The following C8orf88 variants were observed in gnomAD, a reference collection of about 807,000 sequenced individuals.
The protein encoded by C8orf88 is chromosome 8 open reading frame 88, also known as uncharacterized protein C8orf88.
In C8orf88, 14 loss-of-function variants were observed where a neutral mutation model predicts 18.4. That is an observed-to-expected ratio of 0.76 (90% CI 0.50 to 1.19). The LOEUF is 1.19. Among genes scored for constraint, C8orf88 ranks in the 50% most tolerant of loss-of-function variants. C8orf88 has a pLI of 0.00. For synonymous variants in C8orf88, 45 were observed against 42.9 expected, an observed-to-expected ratio of 1.05 and a Z score of -0.19; for missense variants, 116 against 134.7, an observed-to-expected ratio of 0.86 and a Z score of 0.69.
intron 1 of C8orf88, 92 bp downstream of exon 1, chr8:90,985,022 T>G: frequency 6.6e-6 from 1 of 152,022 alleles, no homozygotes; most frequent in Non-Finnish European, 1.5e-5. Context: ...TTTCCCGGGG[T>G]CGGGCCTGGG....
At chr8:90,970,297 T>C (rs1811265108) in intron 4 of C8orf88, among the ~76,000 whole-genome samples, 1 of 151,942 alleles carries the variant, frequency 6.6e-6, no homozygotes, top group African/African-American at 2.4e-5. Context: ...CAATATAAAG[T>C]TTTCAAAAAT....
intron 3 of C8orf88, among the ~76,000 whole-genome samples, chr8:90,976,174 C>T (rs1811347600): frequency 6.6e-6 from 1 of 151,892 alleles, no homozygotes; most frequent in African/African-American, 2.4e-5. Flanking sequence ...GATATAAGGA[C>T]ATTTTGGAGG....
At chr8:90,966,711 T>G (rs1251724858) in intron 4 of C8orf88, among the ~76,000 whole-genome samples, 1 of 151,900 alleles carries the variant, frequency 6.6e-6, no homozygotes, top group African/African-American at 2.4e-5. Context: ...TTATTTTTAT[T>G]AGCTCTAATA....
chr8:90,958,737 A>G lies in C8orf88; in HGVS notation c.*270T>C. 1 of 333,386 alleles carries G rather than the reference A, an allele frequency of 3.0e-6. No homozygotes were observed. Among genetic ancestry groups the G allele is most frequent in the South Asian group, 4.9e-5 (1 of 20,230 alleles). 20.7% of individuals were successfully genotyped at this position (333,386 alleles called of 1,614,324 possible). A position where few individuals can be genotyped will look rare whatever the true frequency, so the allele number is the denominator to read the frequency against. On this transcript the variant is annotated 3_prime_UTR_variant, in exon 6 of 6. Coordinates refer to ENST00000517562, the MANE Select transcript of C8orf88 (RefSeq NM_001190972.2). ...AACAAAAAATTGCAAGTAGTATGCA[A>G]ATTATAAATATACAGTCTTCCCACT...
chr8:90,974,303 A>T (rs1052098827), intron 3 of C8orf88, among the ~76,000 whole-genome samples: 7 of 152,186 alleles, frequency 4.6e-5, no homozygotes, highest in African/African-American at 1.7e-4. Flanking sequence ...TTTGAACATT[A>T]GTCTTGGAAC....
intron 2 of C8orf88, among the ~76,000 whole-genome samples, chr8:90,979,611 C>A (rs1435099784): frequency 1.3e-5 from 2 of 152,178 alleles, no homozygotes; most frequent in Non-Finnish European, 2.9e-5. Context: ...CATTTGTAAA[C>A]TCAACAAAGT....
intron 4 of C8orf88, among the ~76,000 whole-genome samples, chr8:90,970,104 T>C (rs1811262257): frequency 6.6e-6 from 1 of 151,826 alleles, no homozygotes; most frequent in South Asian, 2.1e-4. Flanking sequence ...ATAAACTGTA[T>C]GAAAAGGGAG....
intron 4 of C8orf88, among the ~76,000 whole-genome samples, chr8:90,966,336 C>A (rs1327363880): frequency 8.6e-6 from 1 of 116,136 alleles, no homozygotes; most frequent in Non-Finnish European, 1.6e-5. Context: ...GGGAACATCA[C>A]ACTTTGGGGA....
Position 90,958,797 on chromosome 8 carries a change from C to G in C8orf88, c.*210G>C. 2.4e-6 allele frequency: 1 copy of G among 411,506 alleles called. No individual in the cohort carries two copies. Among genetic ancestry groups the G allele is most frequent in the South Asian group, 4.1e-5 (1 of 24,600 alleles). The allele number at this position is 411,506 out of a possible 1,614,324, so 25.5% of individuals were successfully genotyped here. A position where few individuals can be genotyped will look rare whatever the true frequency, so the allele number is the denominator to read the frequency against. On this transcript the variant is annotated 3_prime_UTR_variant, in exon 6 of 6. Transcript: ENST00000517562. Reference sequence around the variant, plus strand: ...AAATTCCTACTTTCCAGTGTTACTTCCCAATTTATGCAGGAAACCTCCTGC... The same window carrying G: ...AAATTCCTACTTTCCAGTGTTACTTGCCAATTTATGCAGGAAACCTCCTGC...
intron 3 of C8orf88, among the ~76,000 whole-genome samples, chr8:90,973,732 C>A (rs1811312689): frequency 6.6e-6 from 1 of 152,252 alleles, no homozygotes; most frequent in East Asian, 1.9e-4. Context: ...GATCCTCCCA[C>A]CTCAGCCTTC....
intron 1 of C8orf88, among the ~76,000 whole-genome samples, chr8:90,984,525 G>A (rs988592593): frequency 6.6e-6 from 1 of 152,070 alleles, no homozygotes; most frequent in Non-Finnish European, 1.5e-5. Context: ...AGCTTGGAGA[G>A]TTCCAACATA....
At chr8:90,966,481 T>C in intron 4 of C8orf88, among the ~76,000 whole-genome samples, 1 of 142,010 alleles carries the variant, frequency 7.0e-6, no homozygotes, top group Non-Finnish European at 1.5e-5. Flanking sequence ...TGTGCACATG[T>C]ACCCTAAAAC....
intron 5 of C8orf88, among the ~76,000 whole-genome samples, chr8:90,959,661 T>C (rs901812121): frequency 6.6e-6 from 1 of 151,452 alleles, no homozygotes; most frequent in Non-Finnish European, 1.5e-5. Context: ...AACAACATAA[T>C]GTTTTTTAAA....
intron 3 of C8orf88, among the ~76,000 whole-genome samples, chr8:90,975,486 T>G (rs1301285180): frequency 6.6e-6 from 1 of 151,956 alleles, no homozygotes; most frequent in Non-Finnish European, 1.5e-5. Flanking sequence ...CAAAAAAAAT[T>G]TTTTTAAAGA....
At position 90,980,416 on chromosome 8, in the gene C8orf88, A is replaced by G. The variant is rs1266160423; in HGVS notation, c.20T>C (p.Ile7Thr). Reference protein sequence around the residue: METKKLIGKPLQPARPV... With the variant: METKKLTGKPLQPARPV... ...TCTTGCTGGTTGAAGCGGTTTACCA[A>G]TTAATTTTTTGGTTTCCATTGTCAC... The change falls in exon 2 of 6, where the codon ATT becomes ACT. Residue 7 changes from isoleucine to threonine, a missense_variant. Physicochemically the swap from Ile to Thr is moderately conservative, Grantham distance 89. Transcript: ENST00000517562. 2.0e-6 allele frequency: 3 copies of G among 1,532,100 alleles called. No homozygotes were observed. Among genetic ancestry groups the G allele is most frequent in the African/African-American group, 1.4e-5 (1 of 72,794 alleles). The allele number at this position is 1,532,100 out of a possible 1,614,324, so 94.9% of individuals were successfully genotyped here.
chr8:90,961,921 A>C (rs1811134052), intron 4 of C8orf88, among the ~76,000 whole-genome samples: 1 of 151,392 alleles, frequency 6.6e-6, no homozygotes, highest in African/African-American at 2.4e-5. Flanking sequence ...AAATAAGAAG[A>C]CCCTATTATA....
At chr8:90,970,079 G>A (rs1002545601) in intron 4 of C8orf88, among the ~76,000 whole-genome samples, 1 of 151,776 alleles carries the variant, frequency 6.6e-6, no homozygotes, top group African/African-American at 2.4e-5. Flanking sequence ...GCAAACATTC[G>A]CTTTAGAAAA....
At chr8:90,979,184 T>C (rs1228613902) in intron 2 of C8orf88, among the ~76,000 whole-genome samples, 1 of 152,168 alleles carries the variant, frequency 6.6e-6, no homozygotes, top group Non-Finnish European at 1.5e-5. Flanking sequence ...TACAACTAAA[T>C]AAGATACCAG....
chr8:90,982,741 G>T (rs1335774362), intron 1 of C8orf88, among the ~76,000 whole-genome samples: 1 of 152,058 alleles, frequency 6.6e-6, no homozygotes, highest in Non-Finnish European at 1.5e-5. Context: ...AAAAGATGGT[G>T]TCATTCAGTA....
Sources: gnomAD v4.1 joint callset for allele counts (sites outside exome capture counted in the v4.1 genomes callset) on GRCh38, gnomAD v4.1.1 for gene constraint, MANE v1.5 for transcripts, NCBI Gene and HGNC (gene_info 2026-07-23, HGNC 2026-07-21) for gene names.